The following ULK4 variants were observed in gnomAD, a reference collection of about 807,000 sequenced individuals.
The protein encoded by ULK4 is unc-51 like kinase 4.
ULK4 carries 133 observed loss-of-function variants against 160.6 expected under a neutral mutation model. The observed-to-expected ratio is 0.83, with a 90% CI of 0.72 to 0.96. The LOEUF is 0.96. Among genes scored for constraint, ULK4 ranks in the 40% least tolerant of loss-of-function variants. ULK4 has a pLI of 0.00. For missense variants in ULK4, 1,580 were observed against 1,499.5 expected, an observed-to-expected ratio of 1.05 and a Z score of -0.89; for synonymous variants, 534 against 539.8, an observed-to-expected ratio of 0.99 and a Z score of 0.15.
At chr3:41,809,033 G>A (rs994171066) in intron 19 of ULK4, among the ~76,000 whole-genome samples, 2 of 152,032 alleles carry the variant, frequency 1.3e-5, no homozygotes, top group East Asian at 1.9e-4. Flanking sequence ...AGGCGTGGTG[G>A]TGCATGCCTG....
intron 32 of ULK4, among the ~76,000 whole-genome samples, chr3:41,498,787 G>A (rs2085085768): frequency 2.6e-5 from 4 of 151,980 alleles, no homozygotes; most frequent in African/African-American, 7.2e-5. Context: ...AGTAGAGACA[G>A]GGTTTCACCA....
intron 17 of ULK4, among the ~76,000 whole-genome samples, chr3:41,856,581 ATATATACACATATATATATATGTG>A (rs2042362260): frequency 3.7e-5 from 3 of 81,782 alleles, no homozygotes; most frequent in African/African-American, 2.1e-4. Context: ...ATATGTGTAT[ATATATACACATATATATATATGTG>A]TATATATATA....
rs1346298757 is a variant in ULK4 at position 41,516,195 on chromosome 3, G to T, written c.3226+49830C>A. ...ATACATGTTCTGATTCGTTAGTATAGACAACAATTCTGAGAAAGTGAAATT... is the reference window on the plus strand; with the variant it reads ...ATACATGTTCTGATTCGTTAGTATATACAACAATTCTGAGAAAGTGAAATT... On this transcript the variant is annotated intron_variant, in intron 32 of 36. Coordinates refer to ENST00000301831, the MANE Select transcript of ULK4 (RefSeq NM_017886.4). 2.0e-5 allele frequency among the ~76,000 whole-genome samples: 3 copies of T among 152,250 alleles called. No homozygotes were observed. The South Asian group carries it at 6.2e-4, about 32-fold the overall frequency.
chr3:41,835,118 G>T (rs2125652665), intron 18 of ULK4, among the ~76,000 whole-genome samples: 1 of 152,256 alleles, frequency 6.6e-6, no homozygotes, highest in East Asian at 1.9e-4. Flanking sequence ...GCTGAGGTGG[G>T]AGAATGATCT....
intron 27 of ULK4, among the ~76,000 whole-genome samples, chr3:41,688,572 G>A (rs2036176865): frequency 1.3e-5 from 2 of 152,096 alleles, no homozygotes; most frequent in Admixed American, 6.5e-5. Context: ...AAAAGTATTT[G>A]TTTGTGGTAC....
intron 4 of ULK4, among the ~76,000 whole-genome samples, chr3:41,932,681 TTTTA>T (rs1278704167): frequency 6.6e-6 from 1 of 152,252 alleles, no homozygotes; most frequent in African/African-American, 2.4e-5. Context: ...GTTCTGTTAC[TTTTA>T]TTATTTCCCG....
intron 19 of ULK4, among the ~76,000 whole-genome samples, chr3:41,804,515 T>G (rs1174801869): frequency 6.6e-6 from 1 of 150,978 alleles, no homozygotes; most frequent in Non-Finnish European, 1.5e-5. Flanking sequence ...TTTTGTCTTT[T>G]GTTGCCATTG....
chr3:41,789,813 TAGG>T lies in ULK4; in HGVS notation c.2038_2040del (p.Pro680del). ...TTTTCAATAACATTCTGGAAGGCAG[TAGG>T]AGAATGGCGAGTGATTCTACACAAG... On this transcript the variant is annotated inframe_deletion, in exon 21 of 37. Transcript: ENST00000301831. 6.2e-7 allele frequency: 1 copy of T among 1,612,584 alleles called. No homozygotes were observed. The highest frequency in any genetic ancestry group is 8.5e-7 in the Non-Finnish European group (1 of 1,179,430).
At chr3:41,300,840 TATATATATATATATATATATATATATATA>T (rs2079776508) in intron 35 of ULK4, among the ~76,000 whole-genome samples, 9 of 22,208 alleles carry the variant, frequency 4.1e-4, no homozygotes, top group African/African-American at 1.4e-3. Context: ...TTACAGATTA[TATATATATATATATATATATATATATATA>T]TATATATATA....
rs78239152 is a variant in ULK4, at chr3:41,496,514, C to T, written c.3227-33261G>A. Among the ~76,000 whole-genome samples, 1,374 of 152,078 alleles carry T rather than the reference C, an allele frequency of 9.0e-3. 6 individuals are homozygous for T. Among genetic ancestry groups the T allele is most frequent in the Non-Finnish European group, 0.014 (962 of 67,994 alleles). ...CAGGGTCCAAGTAGAAGTGGGCAGT[C>T]TTACTTTGCTGATGAGAAGTAAGAG... On this transcript the variant is annotated intron_variant, in intron 32 of 36. Coordinates refer to ENST00000301831, the MANE Select transcript of ULK4 (RefSeq NM_017886.4).
At chr3:41,249,007 G>A (rs1363888148) in intron 36 of ULK4, among the ~76,000 whole-genome samples, 1 of 152,208 alleles carries the variant, frequency 6.6e-6, no homozygotes, top group East Asian at 1.9e-4. Flanking sequence ...TTCTGGCTGA[G>A]GAAGGTAACC....
chr3:41,782,222 T>C (rs2039866722), intron 21 of ULK4, among the ~76,000 whole-genome samples: 2 of 151,982 alleles, frequency 1.3e-5, no homozygotes, highest in African/African-American at 4.8e-5. Flanking sequence ...GCCTATTTTA[T>C]GAGAGAGGGT....
intron 22 of ULK4, among the ~76,000 whole-genome samples, chr3:41,725,747 T>C (rs1164474476): frequency 6.6e-6 from 1 of 152,202 alleles, no homozygotes; most frequent in Admixed American, 6.5e-5. Flanking sequence ...CCTGACTACT[T>C]TCTATTGAGT....
rs558720395 is a variant in ULK4, at chr3:41,790,639, G to A, written c.2011-796C>T. ...ATTCAAACTTGAGAGAATAGAACAA[G>A]TATTCACATGGAGACATAAAGACGT... On this transcript the variant is annotated intron_variant, in intron 20 of 36. Coordinates refer to ENST00000301831, the MANE Select transcript of ULK4 (RefSeq NM_017886.4). 2.6e-5 allele frequency among the ~76,000 whole-genome samples: 4 copies of A among 152,240 alleles called. No homozygotes were observed. The East Asian group carries it at 7.7e-4, about 29-fold the overall frequency.
intron 32 of ULK4, among the ~76,000 whole-genome samples, chr3:41,506,767 A>AAAAAAAAAAAAAAAAAAAATATAAATAT: frequency 5.3e-5 from 3 of 56,766 alleles, no homozygotes; most frequent in Non-Finnish European, 6.3e-5. Flanking sequence ...TGTGATTTAA[A>AAAAAAAAAAAAAAAAAAAATATAAATAT]ATATATATAT....
intron 11 of ULK4, among the ~76,000 whole-genome samples, chr3:41,909,959 C>T (rs1430466071): frequency 6.6e-6 from 1 of 152,080 alleles, no homozygotes; most frequent in Admixed American, 6.5e-5. Flanking sequence ...CGCGATGGCG[C>T]GATCTCAGCT....
chr3:41,565,819 GTGACTAT>G (rs2087762102), intron 32 of ULK4, among the ~76,000 whole-genome samples, 199 bp downstream of exon 32: 1 of 152,138 alleles, frequency 6.6e-6, no homozygotes. Context: ...TCTTTAAGCA[GTGACTAT>G]TGACTTTATG....
chr3:41,887,731 G>C (rs1697773288), intron 16 of ULK4, among the ~76,000 whole-genome samples: 1 of 151,994 alleles, frequency 6.6e-6, no homozygotes, highest in Non-Finnish European at 1.5e-5. Context: ...TGAGGTAGGA[G>C]AATCGCTTGA....
At chr3:41,680,280 C>T (rs1277212906) in intron 29 of ULK4, among the ~76,000 whole-genome samples, 1 of 152,114 alleles carries the variant, frequency 6.6e-6, no homozygotes, top group Non-Finnish European at 1.5e-5. Flanking sequence ...AAGTTTCAAA[C>T]AATTGTCTTA....
Sources: gnomAD v4.1 joint callset for allele counts (sites outside exome capture counted in the v4.1 genomes callset) on GRCh38, gnomAD v4.1.1 for gene constraint, MANE v1.5 for transcripts, NCBI Gene and HGNC (gene_info 2026-07-23, HGNC 2026-07-21) for gene names.